EDA: variants seen among roughly 807,000 people sequenced by gnomAD.
EDA encodes ectodysplasin-A.
In EDA, 2 loss-of-function variants were observed where a neutral mutation model predicts 23.6. The observed-to-expected ratio is 0.08, with a 90% confidence interval of 0.03 to 0.27. EDA has a LOEUF of 0.27. EDA is among the 10% of genes least tolerant of loss of function. EDA has a pLI of 1.00. For synonymous variants in EDA, 131 were observed against 132.0 expected (o/e 0.99, Z 0.05); for missense variants, 229 against 324.2 (o/e 0.71, Z 2.26).
chrX:69,631,654 G>GAAT (rs1932599194), intron 1 of EDA, among the ~76,000 whole-genome samples: 1 of 104,473 alleles, frequency 9.6e-6, no homozygotes, highest in Non-Finnish European at 1.9e-5. Context: ...TTTTGTGGTA[G>GAAT]AATACTCCTT....
intron 1 of EDA, among the ~76,000 whole-genome samples, chrX:69,865,725 T>C (rs2017475411): frequency 9.0e-6 from 1 of 111,297 alleles, no homozygotes; most frequent in South Asian, 3.8e-4. Flanking sequence ...CCCATACACA[T>C]CTCCTGAGAT....
intron 1 of EDA, among the ~76,000 whole-genome samples, chrX:69,900,162 A>C (rs953007406): frequency 1.8e-5 from 2 of 110,216 alleles, no homozygotes; most frequent in African/African-American, 6.6e-5. Flanking sequence ...CATTCTTGTC[A>C]TAATCAGCAT....
chrX:69,621,503 A>G (rs1054484407), intron 1 of EDA, among the ~76,000 whole-genome samples: 3 of 111,735 alleles, frequency 2.7e-5, no homozygotes, highest in Non-Finnish European at 5.6e-5. Flanking sequence ...CTTACACCCT[A>G]TTGTTATCAC....
chrX:70,011,903 T>C (rs2019881984), intron 2 of EDA, among the ~76,000 whole-genome samples: 2 of 111,735 alleles, frequency 1.8e-5, no homozygotes, highest in Admixed American at 1.9e-4. Context: ...AATTTAGCAG[T>C]TGAAGAACCA....
chrX:69,627,003 C>T (rs972073529), intron 1 of EDA, among the ~76,000 whole-genome samples: 5 of 111,622 alleles, frequency 4.5e-5, no homozygotes, highest in African/African-American at 1.3e-4. Flanking sequence ...ATTTCTCCCT[C>T]TAACAGATGT....
At chrX:69,750,813 A>C (rs1202410184) in intron 1 of EDA, among the ~76,000 whole-genome samples, 10 of 112,010 alleles carry the variant, frequency 8.9e-5, no homozygotes, top group Non-Finnish European at 1.1e-4. Context: ...GGGCTGCATA[A>C]ATGTCTTCTT....
At chrX:69,926,198 G>C (rs1208689938) in intron 1 of EDA, among the ~76,000 whole-genome samples, 3 of 110,187 alleles carry the variant, frequency 2.7e-5, no homozygotes, top group Non-Finnish European at 5.7e-5. Context: ...TCTTCTGCTA[G>C]CTTTTGGATT....
At chrX:69,783,229 G>A (rs1256659217) in intron 1 of EDA, among the ~76,000 whole-genome samples, 2 of 111,409 alleles carry the variant, frequency 1.8e-5, no homozygotes, top group Non-Finnish European at 3.8e-5. Flanking sequence ...AAAGAAGATG[G>A]AAATCTTTAA....
rs1375857861 is a variant in EDA, at chrX:70,038,996, C to G, written c.*3387C>G. On this transcript the variant is annotated 3_prime_UTR_variant, in exon 8 of 8. Transcript: ENST00000374552. The stretch of plus-strand genomic sequence containing the variant: ...CTCCAGGCTGGAAGTACTTGGCCCC[C>G]TTCAGGAGCCTGGCCAGGCAGGGAG... The G allele has an allele frequency of 8.9e-6, 1 of 112,044 alleles. No homozygotes were observed. Among genetic ancestry groups the G allele is most frequent in the East Asian group, 2.8e-4 (1 of 3,543 alleles). The allele number at this position is 112,044 out of a possible 1,213,427, so 9.2% of individuals were successfully genotyped here. A position where few individuals can be genotyped will look rare whatever the true frequency, so the allele number is the denominator to read the frequency against.
In EDA at chrX:69,645,604, A is replaced by ATATATATATGTGTG. The variant is rs1569281319; in HGVS notation, c.396+28909_396+28910insGTGTGTATATATAT. 4.2e-4 allele frequency among the ~76,000 whole-genome samples: 16 copies of ATATATATATGTGTG among 38,547 alleles called. 1 individual carries two copies. The highest frequency in any genetic ancestry group is 1.3e-3 in the South Asian group (1 of 747). 33.5% of individuals were successfully genotyped at this position (38,547 alleles called of 115,157 possible). A position where few individuals can be genotyped will look rare whatever the true frequency, so the allele number is the denominator to read the frequency against. ...TTCTTTTATATATATGTGTGTGTGTATATATATATATGTGTGTGTATATAT... is the reference window on the plus strand; with the variant it reads ...TTCTTTTATATATATGTGTGTGTGTATATATATATGTGTGTATATATATATGTGTGTGTATATAT... On this transcript the variant is annotated intron_variant, in intron 1 of 7. Transcript: ENST00000374552.
intron 3 of EDA, among the ~76,000 whole-genome samples, chrX:70,024,729 T>C (rs771330166): frequency 8.9e-6 from 1 of 112,002 alleles, no homozygotes; most frequent in Admixed American, 9.4e-5. Context: ...TTTCACCCTT[T>C]AATGGAATTT....
chrX:69,653,025 T>C (rs1425117773), intron 1 of EDA, among the ~76,000 whole-genome samples: 1 of 112,037 alleles, frequency 8.9e-6, no homozygotes, highest in Non-Finnish European at 1.9e-5. Context: ...AAGTCATTGG[T>C]AACTTGATGG....
intron 4 of EDA, 87 bp downstream of exon 4, chrX:70,028,123 A>G: frequency 1.7e-6 from 2 of 1,149,261 alleles, no homozygotes; most frequent in South Asian, 2.0e-5. Context: ...GCAGTTTCAA[A>G]CGGTGGAGAT....
At chrX:69,806,257 A>C (rs978718540) in intron 1 of EDA, among the ~76,000 whole-genome samples, 1 of 111,681 alleles carries the variant, frequency 9.0e-6, no homozygotes, top group Admixed American at 9.5e-5. Context: ...AAAGTCAACT[A>C]ATAACTCTGA....
chrX:70,012,317 A>G, intron 2 of EDA, among the ~76,000 whole-genome samples: 1 of 112,369 alleles, frequency 8.9e-6, no homozygotes, highest in East Asian at 2.8e-4. Context: ...AAAAGATTAT[A>G]GAACTCATCA....
chrX:69,963,485 G>C (rs376242148), intron 2 of EDA, among the ~76,000 whole-genome samples: 3 of 112,247 alleles, frequency 2.7e-5, no homozygotes, highest in African/African-American at 9.7e-5. Context: ...GATTTCACAT[G>C]TAGAATCCCC....
At chrX:69,878,376 G>A (rs1185351750) in intron 1 of EDA, among the ~76,000 whole-genome samples, 1 of 112,663 alleles carries the variant, frequency 8.9e-6, no homozygotes, top group Non-Finnish European at 1.9e-5. Context: ...GCAACATGGT[G>A]AGGCTGCCCA....
intron 1 of EDA, among the ~76,000 whole-genome samples, chrX:69,807,903 G>A (rs1472340991): frequency 1.8e-5 from 2 of 111,704 alleles, no homozygotes; most frequent in South Asian, 3.7e-4. Flanking sequence ...TACTGCCAGG[G>A]ACCTTGAATA....
intron 1 of EDA, among the ~76,000 whole-genome samples, chrX:69,896,089 A>G (rs1277269310): frequency 9.0e-6 from 1 of 110,857 alleles, no homozygotes; most frequent in Admixed American, 9.7e-5. Context: ...TGGCTTGCAG[A>G]TGGCCACTGT....
Sources: allele counts gnomAD v4.1 joint callset (sites outside exome capture counted in the v4.1 genomes callset), GRCh38; gene constraint gnomAD v4.1.1; transcripts MANE v1.5; gene names NCBI Gene and HGNC (gene_info 2026-07-23, HGNC 2026-07-21).